LUZP2: variants seen among roughly 807,000 people sequenced by gnomAD.
The protein encoded by LUZP2 is leucine zipper protein 2.
A neutral mutation model predicts 51.6 loss-of-function variants in LUZP2; 52 were observed. That is an observed-to-expected ratio of 1.01 (90% CI 0.81 to 1.27). The LOEUF is 1.27. LUZP2 is among the 50% of genes most tolerant of loss of function. The pLI is 0.00. For missense variants in LUZP2, 436 were observed against 395.4 expected (o/e 1.10, Z -0.87); for synonymous variants, 154 against 137.3 (o/e 1.12, Z -0.85).
At chr11:24,843,579 A>T (rs545645657) in intron 5 of LUZP2, among the ~76,000 whole-genome samples, 21 of 152,308 alleles carry the variant, frequency 1.4e-4, no homozygotes, top group African/African-American at 4.8e-4. Context: ...TTAAAAATGT[A>T]TAGACACACA....
intron 5 of LUZP2, among the ~76,000 whole-genome samples, chr11:24,826,190 A>AAAATATATATATATATATAT (rs1215786412): frequency 3.1e-4 from 21 of 67,542 alleles, no homozygotes; most frequent in South Asian, 1.1e-3. Context: ...AAAAAAAAAA[A>AAAATATATATATATATATAT]ATATATATAT....
intron 10 of LUZP2, among the ~76,000 whole-genome samples, chr11:25,074,110 C>T (rs924677342): frequency 9.2e-5 from 14 of 152,168 alleles, no homozygotes; most frequent in African/African-American, 3.4e-4. Flanking sequence ...TCAAATTTGT[C>T]TTGCCTTCCT....
rs148741083 is a variant in LUZP2, at chr11:24,857,644, A to G, written c.397-48347A>G. 7.9e-3 allele frequency among the ~76,000 whole-genome samples: 1,193 copies of G among 151,720 alleles called. 5 individuals are homozygous for G. Among genetic ancestry groups the G allele is most frequent in the Non-Finnish European group, 0.014 (934 of 67,884 alleles). Reference sequence around the variant, plus strand: ...TAAAACACTTAGAGTAGTACCTGGTACAGTGTGAACGCTTGAAAAAGTGAT... The same window carrying G: ...TAAAACACTTAGAGTAGTACCTGGTGCAGTGTGAACGCTTGAAAAAGTGAT... On this transcript the variant is annotated intron_variant, in intron 5 of 11. Coordinates refer to ENST00000336930, the MANE Select transcript of LUZP2 (RefSeq NM_001009909.4).
intron 10 of LUZP2, among the ~76,000 whole-genome samples, chr11:25,071,658 G>A (rs563759461): frequency 7.9e-5 from 12 of 151,484 alleles, no homozygotes; most frequent in African/African-American, 1.5e-4. Context: ...ATCACACACC[G>A]GGGCCTGTCA....
At chr11:24,872,236 T>C (rs748257083) in intron 5 of LUZP2, among the ~76,000 whole-genome samples, 4 of 152,142 alleles carry the variant, frequency 2.6e-5, no homozygotes, top group Non-Finnish European at 5.9e-5. Context: ...TTACTGCAAA[T>C]TCACCTTATA....
intron 1 of LUZP2, among the ~76,000 whole-genome samples, chr11:24,505,954 A>T (rs1850134627): frequency 2.5e-5 from 3 of 122,072 alleles, no homozygotes; most frequent in African/African-American, 1.0e-4. Flanking sequence ...ATATTTCCAT[A>T]TTAATTATTT....
intron 5 of LUZP2, among the ~76,000 whole-genome samples, chr11:24,779,204 T>G (rs2631401): frequency 0.72 from 109,792 of 151,978 alleles, 40,157 homozygotes; most frequent in East Asian, 0.86. Flanking sequence ...CATTATTTTC[T>G]GCGTTATTTC....
At chr11:24,781,378 A>G (rs758420878) in intron 5 of LUZP2, among the ~76,000 whole-genome samples, 1 of 152,056 alleles carries the variant, frequency 6.6e-6, no homozygotes, top group South Asian at 2.1e-4. Flanking sequence ...TGATAATATA[A>G]TCATAGTTTT....
At chr11:24,874,482 T>G (rs1042707615) in intron 5 of LUZP2, among the ~76,000 whole-genome samples, 2 of 152,146 alleles carry the variant, frequency 1.3e-5, no homozygotes, top group Non-Finnish European at 2.9e-5. Context: ...ACTGATTATA[T>G]AATGCACAGG....
At chr11:25,068,674 A>G (rs780840933) in intron 10 of LUZP2, among the ~76,000 whole-genome samples, 2 of 151,992 alleles carry the variant, frequency 1.3e-5, no homozygotes, top group Non-Finnish European at 2.9e-5. Context: ...CAGAGAACGC[A>G]TTGACTTCTT....
chr11:24,988,628 A>C (rs1398741681), intron 9 of LUZP2, among the ~76,000 whole-genome samples: 1 of 151,368 alleles, frequency 6.6e-6, no homozygotes, highest in African/African-American at 2.5e-5. Flanking sequence ...TTTATGAAAT[A>C]GTGTTAAAGA....
At chr11:24,799,515 T>C (rs1849635191) in intron 5 of LUZP2, among the ~76,000 whole-genome samples, 1 of 150,008 alleles carries the variant, frequency 6.7e-6, no homozygotes, top group African/African-American at 2.5e-5. Context: ...GAATCGAACT[T>C]GGGAGGTGGA....
chr11:24,799,322 G>A (rs1258248179), intron 5 of LUZP2, among the ~76,000 whole-genome samples: 1 of 152,140 alleles, frequency 6.6e-6, no homozygotes, highest in Non-Finnish European at 1.5e-5. Flanking sequence ...AAGGGGCCGG[G>A]TGTGGTGGCT....
At chr11:24,904,707 C>T (rs1853393223) in intron 5 of LUZP2, among the ~76,000 whole-genome samples, 1 of 152,164 alleles carries the variant, frequency 6.6e-6, no homozygotes, top group African/African-American at 2.4e-5. Context: ...CATCCTTCAG[C>T]TTGTCTCTTC....
intron 9 of LUZP2, among the ~76,000 whole-genome samples, chr11:25,040,981 G>A (rs1292201509): frequency 6.6e-6 from 1 of 151,982 alleles, no homozygotes; most frequent in East Asian, 1.9e-4. Context: ...GCTCTTGACT[G>A]CCCTCATTCT....
At chr11:25,063,128 C>G (rs774226786) in intron 10 of LUZP2, among the ~76,000 whole-genome samples, 7 of 151,586 alleles carry the variant, frequency 4.6e-5, no homozygotes, top group Non-Finnish European at 7.4e-5. Context: ...TTTGGGAAAA[C>G]ATACAACAGA....
chr11:24,569,439 T>C (rs1378846860), intron 1 of LUZP2, among the ~76,000 whole-genome samples: 1 of 152,054 alleles, frequency 6.6e-6, no homozygotes, highest in African/African-American at 2.4e-5. Context: ...TCAGTAGGTC[T>C]AGGAAGGAGC....
intron 9 of LUZP2, among the ~76,000 whole-genome samples, chr11:25,026,263 C>T (rs950737953): frequency 1.3e-5 from 2 of 151,892 alleles, no homozygotes; most frequent in African/African-American, 4.8e-5. Flanking sequence ...GCATGTTGTG[C>T]ACATGTACCC....
chr11:25,010,678 A>G (rs75250912), intron 9 of LUZP2, among the ~76,000 whole-genome samples: 3 of 122,074 alleles, frequency 2.5e-5, no homozygotes, highest in Non-Finnish European at 3.8e-5. Context: ...GTGAAACCCC[A>G]TCTCTACAAA....
Sources: allele counts gnomAD v4.1 joint callset (sites outside exome capture counted in the v4.1 genomes callset), GRCh38; gene constraint gnomAD v4.1.1; transcripts MANE v1.5; gene names NCBI Gene and HGNC (gene_info 2026-07-23, HGNC 2026-07-21).